ADAMTS12: variants seen among roughly 807,000 people sequenced by gnomAD.
The protein encoded by ADAMTS12 is A disintegrin and metalloproteinase with thrombospondin motifs 12.
Under a neutral mutation model 167.8 loss-of-function variants are expected in ADAMTS12, and 118 were observed. The ratio of observed to expected loss-of-function variants is 0.70; its 90% CI spans 0.61 to 0.82. ADAMTS12 has a LOEUF of 0.82. Among genes scored for constraint, ADAMTS12 ranks in the 40% least tolerant of loss-of-function variants. The probability of loss-of-function intolerance (pLI) is 0.00; values close to 1 mark genes in which losing one functional copy is unlikely to be tolerated. For missense variants in ADAMTS12, 1,916 were observed against 1,998.8 expected (o/e 0.96, Z 0.79); for synonymous variants, 704 against 716.9 (o/e 0.98, Z 0.29).
intron 3 of ADAMTS12, among the ~76,000 whole-genome samples, chr5:33,740,225 C>G (rs1436814096): frequency 6.6e-6 from 1 of 152,092 alleles, no homozygotes; most frequent in African/African-American, 2.4e-5. Context: ...TGTATATAAG[C>G]AAGACTAAAA....
At chr5:33,588,899 A>T (rs1747500269) in intron 17 of ADAMTS12, 90 bp from the exon 18 acceptor site, 1 of 1,501,586 alleles carries the variant, frequency 6.7e-7, no homozygotes, top group Admixed American at 1.9e-5. Context: ...AGAAATGCAG[A>T]TCACAGGGCT....
intron 2 of ADAMTS12, among the ~76,000 whole-genome samples, chr5:33,756,922 A>G (rs1008618703): frequency 6.6e-6 from 1 of 152,176 alleles, no homozygotes; most frequent in Non-Finnish European, 1.5e-5. Context: ...GGAGCCACTA[A>G]CCCCATGCAG....
chr5:33,848,852 C>A (rs1255336255), intron 2 of ADAMTS12, among the ~76,000 whole-genome samples: 1 of 152,070 alleles, frequency 6.6e-6, no homozygotes, highest in Non-Finnish European at 1.5e-5. Flanking sequence ...GCTTACAAAC[C>A]TGGCTGCACC....
At chr5:33,597,719 CAAGT>C (rs1737968355) in intron 16 of ADAMTS12, among the ~76,000 whole-genome samples, 1 of 151,796 alleles carries the variant, frequency 6.6e-6, no homozygotes. Context: ...TTTCAAGAGA[CAAGT>C]AAACCTTCAA....
chr5:33,588,912 A>G (rs4242083), intron 17 of ADAMTS12, 103 bp from the exon 18 acceptor site: 1,274,022 of 1,421,004 alleles, frequency 0.9, 571,535 homozygotes, highest in East Asian at 0.95. Context: ...ACAGGGCTGG[A>G]AGGGCCATGG....
At chr5:33,778,509 T>C (rs1745998684) in intron 2 of ADAMTS12, among the ~76,000 whole-genome samples, 1 of 149,028 alleles carries the variant, frequency 6.7e-6, no homozygotes. Context: ...TCATACCATA[T>C]ACAAAAATTA....
At chr5:33,720,639 A>T (rs1041269270) in intron 3 of ADAMTS12, among the ~76,000 whole-genome samples, 4 of 152,232 alleles carry the variant, frequency 2.6e-5, no homozygotes, top group African/African-American at 9.6e-5. Context: ...GTGGGATTAC[A>T]TATTCCATTA....
At chr5:33,685,003 T>C (rs755803740) in intron 3 of ADAMTS12, among the ~76,000 whole-genome samples, 2 of 152,220 alleles carry the variant, frequency 1.3e-5, no homozygotes, top group Non-Finnish European at 2.9e-5. Context: ...GGGCTCAGAA[T>C]GGCTTAGGGA....
chr5:33,883,801 C>T (rs1750543164), intron 1 of ADAMTS12, among the ~76,000 whole-genome samples: 1 of 152,126 alleles, frequency 6.6e-6, no homozygotes, highest in African/African-American at 2.4e-5. Flanking sequence ...GTGCCATGAA[C>T]TGAGGTGTAT....
At chr5:33,891,466 T>C (rs1200772923) in intron 1 of ADAMTS12, 3 of 434,676 alleles carry the variant, frequency 6.9e-6, no homozygotes, top group Non-Finnish European at 1.2e-5. Context: ...CAGCTACCTC[T>C]TGGGTCTTTC....
chr5:33,573,645 A>G (rs1746510326), intron 19 of ADAMTS12, among the ~76,000 whole-genome samples: 2 of 152,190 alleles, frequency 1.3e-5, no homozygotes, highest in South Asian at 2.1e-4. Flanking sequence ...TAAAAACCCT[A>G]GAAGAAAACC....
At chr5:33,659,345 G>A (rs1035777536) in intron 6 of ADAMTS12, among the ~76,000 whole-genome samples, 2 of 152,150 alleles carry the variant, frequency 1.3e-5, no homozygotes, top group East Asian at 3.9e-4. Flanking sequence ...ACTGGAGAGC[G>A]AGATTATACA....
At chr5:33,559,926 C>T (rs990249649) in intron 20 of ADAMTS12, among the ~76,000 whole-genome samples, 2 of 152,060 alleles carry the variant, frequency 1.3e-5, no homozygotes, top group South Asian at 2.1e-4. Flanking sequence ...GCAGGGAGTA[C>T]GCTTTTAAAG....
chr5:33,670,491 C>T (rs1741641295), intron 5 of ADAMTS12, among the ~76,000 whole-genome samples: 1 of 152,158 alleles, frequency 6.6e-6, no homozygotes, highest in African/African-American at 2.4e-5. Context: ...CCTGTAATCC[C>T]AGCACTTTGG....
intron 2 of ADAMTS12, among the ~76,000 whole-genome samples, chr5:33,818,094 C>G (rs1747731379): frequency 6.6e-6 from 1 of 152,100 alleles, no homozygotes; most frequent in Non-Finnish European, 1.5e-5. Flanking sequence ...TATCATCTCA[C>G]ATAGTTACTT....
chr5:33,799,465 T>C (rs1231244336), intron 2 of ADAMTS12, among the ~76,000 whole-genome samples: 2 of 152,148 alleles, frequency 1.3e-5, no homozygotes, highest in Non-Finnish European at 2.9e-5. Context: ...CACTTCAGAC[T>C]CTGCAACTGC....
At chr5:33,808,897 CCT>C (rs1747339172) in intron 2 of ADAMTS12, among the ~76,000 whole-genome samples, 1 of 152,094 alleles carries the variant, frequency 6.6e-6, no homozygotes, top group Non-Finnish European at 1.5e-5. Context: ...GCCCCTTGAC[CCT>C]CTGTTTCCTG....
intron 3 of ADAMTS12, among the ~76,000 whole-genome samples, chr5:33,717,623 T>C (rs944701033): frequency 6.6e-6 from 1 of 152,140 alleles, no homozygotes; most frequent in African/African-American, 2.4e-5. Context: ...CCAAGCACCC[T>C]GCACCAAGTA....
At chr5:33,659,370 G>A (rs567508630) in intron 6 of ADAMTS12, among the ~76,000 whole-genome samples, 6 of 152,244 alleles carry the variant, frequency 3.9e-5, no homozygotes, top group Admixed American at 3.3e-4. Flanking sequence ...AGTCATTTAC[G>A]TAACTTCTAG....
Sources: gnomAD v4.1 joint callset for allele counts (sites outside exome capture counted in the v4.1 genomes callset) on GRCh38, gnomAD v4.1.1 for gene constraint, MANE v1.5 for transcripts, NCBI Gene and HGNC (gene_info 2026-07-23, HGNC 2026-07-21) for gene names.